The following RPTOR variants were observed in gnomAD, a reference collection of about 807,000 sequenced individuals.
The protein encoded by RPTOR is regulatory-associated protein of mTOR.
In RPTOR, 21 loss-of-function variants were observed where a neutral mutation model predicts 169.9. That is an observed-to-expected ratio of 0.12 (90% confidence interval 0.09 to 0.18). The LOEUF (loss-of-function observed/expected upper bound fraction) is 0.18. Among genes scored for constraint, RPTOR ranks in the 10% least tolerant of loss-of-function variants. The pLI, the probability that RPTOR is intolerant of heterozygous loss-of-function variation, is 1.00. For missense variants in RPTOR, 1,133 were observed against 1,855.9 expected (o/e 0.61, Z 7.16); for synonymous variants, 732 against 753.2 (o/e 0.97, Z 0.46).
chr17:80,918,376 T>G (rs1214560252), intron 21 of RPTOR, among the ~76,000 whole-genome samples: 1 of 150,734 alleles, frequency 6.6e-6, no homozygotes, highest in Non-Finnish European at 1.5e-5. Flanking sequence ...GACAGTACTG[T>G]GCAGCTGCAG....
chr17:80,962,398 C>A, intron 31 of RPTOR, 63 bp from the exon 32 acceptor site: 1 of 1,358,536 alleles, frequency 7.4e-7, no homozygotes, highest in South Asian at 1.2e-5. Flanking sequence ...TTCCACCGTC[C>A]CCCTGGCCAG....
intron 1 of RPTOR, among the ~76,000 whole-genome samples, chr17:80,593,010 T>C (rs2065118754): frequency 6.6e-6 from 1 of 152,176 alleles, no homozygotes; most frequent in Non-Finnish European, 1.5e-5. Context: ...TCTGGGCCCT[T>C]CTGCACGTGT....
intron 25 of RPTOR, among the ~76,000 whole-genome samples, chr17:80,944,936 A>G (rs545471140): frequency 7.3e-5 from 11 of 150,578 alleles, no homozygotes; most frequent in African/African-American, 2.2e-4. Context: ...GGTGGCAGTG[A>G]GCCAAGATCA....
At chr17:80,750,281 C>T (rs908704784) in intron 5 of RPTOR, among the ~76,000 whole-genome samples, 1 of 152,198 alleles carries the variant, frequency 6.6e-6, no homozygotes. Context: ...GCCATTTCCT[C>T]CCACTTAAAG....
intron 5 of RPTOR, 29 bp from the exon 6 acceptor site, chr17:80,753,979 ACT>A (rs779481815): frequency 1.9e-6 from 3 of 1,590,494 alleles, no homozygotes; most frequent in Non-Finnish European, 1.7e-6. Context: ...GCTAAATCAC[ACT>A]CTCTTTTCCC....
intron 1 of RPTOR, among the ~76,000 whole-genome samples, chr17:80,548,468 G>A (rs1236800489): frequency 7.9e-6 from 1 of 126,400 alleles, no homozygotes; most frequent in African/African-American, 2.9e-5. Flanking sequence ...TGCAACCTCC[G>A]CCTCCCAGGA....
Position 80,964,695 on chromosome 17 carries a change from C to T in RPTOR, c.*365C>T. 3.2e-6 allele frequency: 1 copy of T among 313,110 alleles called. No individual in the cohort carries two copies. The highest frequency in any genetic ancestry group is 6.0e-6 in the Non-Finnish European group (1 of 165,350). The allele number at this position is 313,110 out of a possible 1,614,324, so 19.4% of individuals were successfully genotyped here. ...TCAGAGCATTAGCTGCAGAAAAACC[C>T]CCCGACAGAGCCCTGGCGGAGAGGC... On this transcript the variant is annotated 3_prime_UTR_variant, in exon 34 of 34. Coordinates refer to ENST00000306801, the MANE Select transcript of RPTOR (RefSeq NM_020761.3).
At chr17:80,937,317 C>T (rs2068966863) in intron 24 of RPTOR, among the ~76,000 whole-genome samples, 1 of 152,158 alleles carries the variant, frequency 6.6e-6, no homozygotes, top group African/African-American at 2.4e-5. Context: ...TTTCTAAATT[C>T]AGAGGGATTG....
intron 5 of RPTOR, among the ~76,000 whole-genome samples, chr17:80,745,346 T>C (rs2066561781): frequency 1.3e-5 from 2 of 152,154 alleles, no homozygotes; most frequent in Non-Finnish European, 2.9e-5. Flanking sequence ...TAGCTAGCCT[T>C]GGAAGGGCAG....
At chr17:80,867,365 A>G (rs7207065) in intron 13 of RPTOR, among the ~76,000 whole-genome samples, 296 of 152,060 alleles carry the variant, frequency 1.9e-3, no homozygotes, top group African/African-American at 6.5e-3. Context: ...TCTGATTTAA[A>G]AAAAAAAAAC....
chr17:80,667,586 A>C (rs2065790398), intron 3 of RPTOR, among the ~76,000 whole-genome samples: 1 of 152,218 alleles, frequency 6.6e-6, no homozygotes, highest in African/African-American at 2.4e-5. Context: ...AAAAGATGTC[A>C]GTGGAAGTCA....
intron 5 of RPTOR, among the ~76,000 whole-genome samples, chr17:80,743,993 G>T (rs151308704): frequency 0.35 from 230 of 664 alleles, 76 homozygotes; most frequent in East Asian, 0.57. Flanking sequence ...TCCTGGTTAT[G>T]AGCACAGCCC....
intron 11 of RPTOR, among the ~76,000 whole-genome samples, chr17:80,847,646 CCA>C (rs1240809298): frequency 1.3e-5 from 2 of 152,194 alleles, no homozygotes; most frequent in Non-Finnish European, 2.9e-5. Flanking sequence ...GTGACTCCCC[CCA>C]CACACAGGAA....
intron 10 of RPTOR, among the ~76,000 whole-genome samples, chr17:80,841,346 C>A (rs2067651968): frequency 8.0e-6 from 1 of 125,676 alleles, no homozygotes; most frequent in Non-Finnish European, 1.6e-5. Context: ...CACCGCACGG[C>A]AGCTCGCTCT....
At chr17:80,711,826 G>A (rs12951739) in intron 4 of RPTOR, among the ~76,000 whole-genome samples, 3 of 146,156 alleles carry the variant, frequency 2.1e-5, no homozygotes, top group African/African-American at 5.2e-5. Context: ...TCACTGCAGC[G>A]TCCGCCTCCT....
chr17:80,690,910 T>A (rs1016347164), intron 3 of RPTOR, among the ~76,000 whole-genome samples: 1 of 152,200 alleles, frequency 6.6e-6, no homozygotes, highest in Non-Finnish European at 1.5e-5. Context: ...TCCTCCCACC[T>A]GAGACTTCCA....
chr17:80,817,820 A>T (rs2067339404), intron 7 of RPTOR, among the ~76,000 whole-genome samples: 1 of 152,166 alleles, frequency 6.6e-6, no homozygotes, highest in Non-Finnish European at 1.5e-5. Flanking sequence ...AAGGGGCCTT[A>T]GGGGAAGGGC....
chr17:80,554,069 TA>T, intron 1 of RPTOR, among the ~76,000 whole-genome samples: 1 of 151,836 alleles, frequency 6.6e-6, no homozygotes, highest in Non-Finnish European at 1.5e-5. Context: ...CGTGTGTGTA[TA>T]TTTTTTGTTG....
chr17:80,884,975 G>A (rs1382255698), intron 16 of RPTOR, 33 bp from the exon 17 acceptor site: 2 of 1,597,178 alleles, frequency 1.3e-6, no homozygotes, highest in East Asian at 2.3e-5. Context: ...GGCCCGGTGT[G>A]GGACATGCCT....
Sources: gnomAD v4.1 joint callset for allele counts (sites outside exome capture counted in the v4.1 genomes callset) on GRCh38, gnomAD v4.1.1 for gene constraint, MANE v1.5 for transcripts, NCBI Gene and HGNC (gene_info 2026-07-23, HGNC 2026-07-21) for gene names.